Variants in GTPBP2 observed in about 807,000 individuals in gnomAD.
GTPBP2 encodes the protein GTP binding protein 2.
Under a neutral mutation model 63.0 loss-of-function variants are expected in GTPBP2, and 32 were observed. The observed-to-expected ratio is 0.51, with a 90% confidence interval of 0.38 to 0.68. The LOEUF (loss-of-function observed/expected upper bound fraction) is 0.68, where lower values mean the gene tolerates loss of function less well. Ranked by LOEUF, GTPBP2 falls within the 30% of genes least tolerant of loss-of-function variation. The probability of loss-of-function intolerance (pLI) is 0.00; values close to 1 mark genes in which losing one functional copy is unlikely to be tolerated. For missense variants in GTPBP2, 492 were observed against 796.9 expected, an observed-to-expected ratio of 0.62 and a Z score of 4.61; for synonymous variants, 310 against 322.6, an observed-to-expected ratio of 0.96 and a Z score of 0.42.
At chr6:43,623,261 AG>A in intron 9 of GTPBP2, 1 of 175,674 alleles carries the variant, frequency 5.7e-6, no homozygotes, top group Non-Finnish European at 1.2e-5. Flanking sequence ...GCATGGTGGT[AG>A]GCGCCTGTAA....
intron 1 of GTPBP2, 87 bp downstream of exon 1, chr6:43,628,890 G>T (rs573446244): frequency 3.6e-6 from 5 of 1,389,348 alleles, no homozygotes; most frequent in South Asian, 3.5e-5. Context: ...ACCGGAAGGG[G>T]AGATTAATTA....
intron 11 of GTPBP2, 87 bp downstream of exon 11, chr6:43,621,916 T>C: frequency 6.3e-7 from 1 of 1,598,552 alleles, no homozygotes; most frequent in Admixed American, 1.7e-5. Flanking sequence ...TTATTCCCAT[T>C]GTGGGATCAA....
rs768087444 is a variant in GTPBP2 at position 43,623,611 on chromosome 6, A to C, written c.1295+126T>G. 255 of 743,962 alleles carry C rather than the reference A, an allele frequency of 3.4e-4. 1 individual carries two copies. The highest frequency in any genetic ancestry group is 5.3e-4 in the Non-Finnish European group (221 of 416,740). The allele number at this position is 743,962 out of a possible 1,614,324, so 46.1% of individuals were successfully genotyped here. On this transcript the variant is annotated intron_variant, in intron 9 of 11. Transcript: ENST00000307126. ...CAGCTCTTCTGATAGTGAAAGCCTAATCTGCAAATAAGCATGTCCTTTAAA... is the reference window on the plus strand; with the variant it reads ...CAGCTCTTCTGATAGTGAAAGCCTACTCTGCAAATAAGCATGTCCTTTAAA...
chr6:43,622,911 A>G lies in GTPBP2; in HGVS notation c.1296-107T>C, dbSNP rs372952724. On this transcript the variant is annotated intron_variant, in intron 9 of 11. Coordinates refer to ENST00000307126, the MANE Select transcript of GTPBP2 (RefSeq NM_019096.5). The surrounding 1 kb of genome is among the most constrained non-coding windows in gnomAD (Gnocchi z 5.4). Reference sequence around the variant, plus strand: ...TTCCCTTCTAGGGTTGAGTCCCTCAAGTGGGGAAGAACCCTAAATTCTGAC... The same window carrying G: ...TTCCCTTCTAGGGTTGAGTCCCTCAGGTGGGGAAGAACCCTAAATTCTGAC... The G allele has an allele frequency of 2.3e-6, 2 of 851,990 alleles. No homozygotes were observed. Among genetic ancestry groups the G allele is most frequent in the Admixed American group, 2.6e-5 (1 of 38,066 alleles). The allele number at this position is 851,990 out of a possible 1,614,324, so 52.8% of individuals were successfully genotyped here. A position where few individuals can be genotyped will look rare whatever the true frequency, so the allele number is the denominator to read the frequency against.
rs1416979832 is a variant in GTPBP2, at chr6:43,623,070, T to C, written c.1296-266A>G. 19 of 464,158 alleles carry C rather than the reference T, an allele frequency of 4.1e-5. No homozygotes were observed. In the East Asian group the frequency reaches 6.8e-4, roughly 17 times the overall value. 28.8% of individuals were successfully genotyped at this position (464,158 alleles called of 1,614,324 possible). On this transcript the variant is annotated intron_variant, in intron 9 of 11. Coordinates refer to ENST00000307126, the MANE Select transcript of GTPBP2 (RefSeq NM_019096.5). The stretch of plus-strand genomic sequence containing the variant: ...ACACCTAATCACTGAAGGAGCAAGT[T>C]ATCCCCTTGGGTTTCATTCTCTGCT...
intron 1 of GTPBP2, chr6:43,627,194 GAATC>G: frequency 1.2e-6 from 1 of 835,684 alleles, no homozygotes; most frequent in Non-Finnish European, 1.6e-6. Flanking sequence ...ACAGAACACT[GAATC>G]AATCCATTCT....
chr6:43,628,366 A>AAAAT (rs1263826778), intron 1 of GTPBP2, among the ~76,000 whole-genome samples: 1 of 151,980 alleles, frequency 6.6e-6, no homozygotes, highest in African/African-American at 2.4e-5. Context: ...CGTCTCAAAA[A>AAAAT]AAATAAATAA....
upstream of GTPBP2, chr6:43,629,645 T>C: frequency 3.2e-6 from 4 of 1,269,588 alleles, no homozygotes; most frequent in Non-Finnish European, 3.4e-6. Flanking sequence ...TTTGGCCCTT[T>C]AGCGCGGATC....
rs777757567 is a variant in GTPBP2, at chr6:43,622,123, C to T, written c.1512G>A (p.Ser504=). The stretch of plus-strand genomic sequence containing the variant: ...GTAAGACTATCTCTGCCTCAAACAC[C>T]GAGCAGATGGTAGGATTCATCTCCG... ...VSPEMNPTIC[S]VFEAEIVLLF... is the part of the protein sequence containing the mutation. Residue 504 remains serine, a synonymous_variant, in exon 11 of 12, where the codon TCG becomes TCA. Transcript: ENST00000307126. The surrounding 1 kb of genome is among the most constrained non-coding windows in gnomAD (Gnocchi z 5.4). 103 of 1,613,860 alleles carry T rather than the reference C, an allele frequency of 6.4e-5. No homozygotes were observed. Among genetic ancestry groups the T allele is most frequent in the Admixed American group, 1.0e-4 (6 of 59,986 alleles).
At chr6:43,621,967 G>C (rs764966799) in intron 11 of GTPBP2, 36 bp downstream of exon 11, 16 of 1,611,938 alleles carry the variant, frequency 9.9e-6, no homozygotes, top group Non-Finnish European at 1.4e-5. Flanking sequence ...CCTCTTTTCT[G>C]ACCTCTGGAG....
chr6:43,629,770 G>C, upstream of GTPBP2: 1 of 1,562,540 alleles, frequency 6.4e-7, no homozygotes, highest in Non-Finnish European at 8.7e-7. Flanking sequence ...TGCCGCTGGG[G>C]TGAGTCAGGG....
Position 43,621,782 on chromosome 6 carries a change from C to A in GTPBP2, c.1641G>T (p.Leu547=). The change falls in exon 12 of 12, where the codon CTG becomes CTT. Residue 547 remains leucine (L), a synonymous_variant. Coordinates refer to ENST00000307126, the MANE Select transcript of GTPBP2 (RefSeq NM_019096.5). The stretch of plus-strand genomic sequence containing the variant: ...GTACCACTGCCTTCTCGCCTGTCCG[C>A]AGTTTGTCCTGCAGCAAATAAGTGG... ...VVEKIHAKDK[L]RTGEKAVVRF... 6.2e-7 allele frequency: 1 copy of A among 1,614,208 alleles called. No individual in the cohort carries two copies. Among genetic ancestry groups the A allele is most frequent in the Non-Finnish European group, 8.5e-7 (1 of 1,180,030 alleles).
intron 1 of GTPBP2, 198 bp from the exon 2 acceptor site, chr6:43,627,146 C>G: frequency 1.6e-6 from 1 of 622,304 alleles, no homozygotes; most frequent in Non-Finnish European, 2.5e-6. Flanking sequence ...GAAGGGAAGG[C>G]CTATAAGGAC....
chr6:43,626,159 GT>G lies in GTPBP2; in HGVS notation c.398+66del. ...CCCACCTTGGCCCCTCAGGCCCTAGGTAACTGGGTATGCATGGGTCCCCCCA... is the reference window on the plus strand; with the variant it reads ...CCCACCTTGGCCCCTCAGGCCCTAGGAACTGGGTATGCATGGGTCCCCCCA... On this transcript the variant is annotated intron_variant, in intron 3 of 11. Coordinates refer to ENST00000307126, the MANE Select transcript of GTPBP2 (RefSeq NM_019096.5). This position sits in a 1 kb window ranked among gnomAD's most constrained non-coding sequence, Gnocchi z 4.0. The G allele has an allele frequency of 6.9e-7, 1 of 1,454,558 alleles. No individual in the cohort carries two copies. The highest frequency in any genetic ancestry group is 9.5e-7 in the Non-Finnish European group (1 of 1,047,586). The allele number at this position is 1,454,558 out of a possible 1,614,324, so 90.1% of individuals were successfully genotyped here.
chr6:43,625,978 A>G lies in GTPBP2; in HGVS notation c.399-114T>C. 1.3e-6 allele frequency: 1 copy of G among 795,116 alleles called. No individual in the cohort carries two copies. The highest frequency in any genetic ancestry group is 2.2e-6 in the Non-Finnish European group (1 of 459,696). 49.3% of individuals were successfully genotyped at this position (795,116 alleles called of 1,614,324 possible). Reference sequence around the variant, plus strand: ...CACAGAGCTCCCAATACCTTAGTGCACTTCCTACCACCCTCCAATCTATTC... The same window carrying G: ...CACAGAGCTCCCAATACCTTAGTGCGCTTCCTACCACCCTCCAATCTATTC... On this transcript the variant is annotated intron_variant, in intron 3 of 11. Coordinates refer to ENST00000307126, the MANE Select transcript of GTPBP2 (RefSeq NM_019096.5). The surrounding 1 kb of genome is among the most constrained non-coding windows in gnomAD (Gnocchi z 5.1).
At position 43,626,805 on chromosome 6, in the gene GTPBP2, G is replaced by T. The variant is rs1769390151; in HGVS notation, c.213+117C>A. 7.2e-6 allele frequency: 6 copies of T among 829,106 alleles called. No individual in the cohort carries two copies. The highest frequency in any genetic ancestry group is 1.2e-5 in the Non-Finnish European group (6 of 521,538). The allele number at this position is 829,106 out of a possible 1,614,324, so 51.4% of individuals were successfully genotyped here. ...ATTGCGCCACTGCACTCCAGCCTAG[G>T]CAACAAGAGCAAAACTTCATCTCAA... On this transcript the variant is annotated intron_variant, in intron 2 of 11. Coordinates refer to ENST00000307126, the MANE Select transcript of GTPBP2 (RefSeq NM_019096.5). The surrounding 1 kb of genome is among the most constrained non-coding windows in gnomAD (Gnocchi z 4.0).
rs1768888575 is a variant in GTPBP2 at position 43,622,744 on chromosome 6, C to T, written c.1356G>A (p.Leu452=). The change falls in exon 10 of 12, where the codon CTG becomes CTA. Residue 452 remains leucine, a synonymous_variant. Transcript: ENST00000307126. The surrounding 1 kb of genome is among the most constrained non-coding windows in gnomAD (Gnocchi z 5.4). ...VVGPTDDGCF[L]ELRVCSIQRN... ...GCTGGATGCTGCATACTCTCAGCTC[C>T]AGGAAGCAGCCATCATCCGTGGGGC... 4 of 1,614,160 alleles carry T rather than the reference C, an allele frequency of 2.5e-6. No individual in the cohort carries two copies. The highest frequency in any genetic ancestry group is 3.4e-6 in the Non-Finnish European group (4 of 1,179,980).
chr6:43,628,022 T>C (rs904562688), intron 1 of GTPBP2, among the ~76,000 whole-genome samples: 4 of 152,128 alleles, frequency 2.6e-5, no homozygotes, highest in African/African-American at 9.7e-5. Context: ...ACACGGGAAC[T>C]TATAAGAAAT....
Position 43,623,153 on chromosome 6 carries a change from G to T in GTPBP2, c.1296-349C>A, listed in dbSNP as rs144334943. ...CACCTGTAATCCTAGCACTTGGGGA[G>T]GCTGAGGCAGGTGGATCACTTGAGG... On this transcript the variant is annotated intron_variant, in intron 9 of 11. Coordinates refer to ENST00000307126, the MANE Select transcript of GTPBP2 (RefSeq NM_019096.5). The T allele has an allele frequency of 5.2e-3, 1,133 of 218,800 alleles. 14 individuals carry two copies. The highest frequency in any genetic ancestry group is 0.025 in the African/African-American group (1,087 of 43,688). The allele number at this position is 218,800 out of a possible 1,614,324, so 13.6% of individuals were successfully genotyped here. A position where few individuals can be genotyped will look rare whatever the true frequency, so the allele number is the denominator to read the frequency against.
Sources: gnomAD v4.1 joint callset for allele counts (sites outside exome capture counted in the v4.1 genomes callset) on GRCh38, gnomAD v4.1.1 for gene constraint, Gnocchi (gnomAD v3.1) non-coding constraint, MANE v1.5 for transcripts, NCBI Gene and HGNC (gene_info 2026-07-23, HGNC 2026-07-21) for gene names.